The following DGLUCY variants were observed in gnomAD, a reference collection of about 807,000 sequenced individuals.
The protein encoded by DGLUCY is D-glutamate cyclase, mitochondrial.
Under a neutral mutation model 58.5 loss-of-function variants are expected in DGLUCY, and 58 were observed. The ratio of observed to expected loss-of-function variants is 0.99; its 90% CI spans 0.80 to 1.23. The LOEUF (loss-of-function observed/expected upper bound fraction) is 1.23. Ranked by LOEUF, DGLUCY falls within the 50% of genes most tolerant of loss-of-function variation. The probability of loss-of-function intolerance (pLI) is 0.00; values close to 1 mark genes in which losing one functional copy is unlikely to be tolerated. For synonymous variants in DGLUCY, 325 were observed against 314.1 expected, an observed-to-expected ratio of 1.03 and a Z score of -0.37; for missense variants, 779 against 784.7, an observed-to-expected ratio of 0.99 and a Z score of 0.09.
At chr14:91,134,469 C>T (rs1476382899) in intron 1 of DGLUCY, among the ~76,000 whole-genome samples, 1 of 151,334 alleles carries the variant, frequency 6.6e-6, no homozygotes, top group Non-Finnish European at 1.5e-5. Context: ...ATAGAGTCTC[C>T]ATCTGTCACC....
At chr14:91,100,323 G>A (rs76080062) in intron 1 of DGLUCY, among the ~76,000 whole-genome samples, 1,552 of 152,282 alleles carry the variant, frequency 0.01, 23 homozygotes, top group African/African-American at 0.036. Context: ...AGAGGGTGGA[G>A]AGATTACCAA....
chr14:91,142,516 T>C (rs1021185354), intron 1 of DGLUCY, among the ~76,000 whole-genome samples: 3 of 152,046 alleles, frequency 2.0e-5, no homozygotes, highest in Middle Eastern at 3.2e-3. Flanking sequence ...TGCAAAGATT[T>C]CTTATCTCTT....
chr14:91,169,959 A>G, intron 4 of DGLUCY, 44 bp from the exon 5 acceptor site: 1 of 1,572,644 alleles, frequency 6.4e-7, no homozygotes, highest in Non-Finnish European at 8.7e-7. Context: ...CAGGGGCCAC[A>G]GTGAGAGTCT....
chr14:91,150,534 T>C (rs1194755248), intron 1 of DGLUCY, among the ~76,000 whole-genome samples: 1 of 152,084 alleles, frequency 6.6e-6, no homozygotes. Flanking sequence ...CTTGACCTCC[T>C]GGGCTCAAGC....
intron 3 of DGLUCY, among the ~76,000 whole-genome samples, chr14:91,164,638 T>C (rs1258780000): frequency 6.6e-6 from 1 of 152,170 alleles, no homozygotes; most frequent in African/African-American, 2.4e-5. Flanking sequence ...ATTCTCTGGT[T>C]TACCAGGCAG....
intron 1 of DGLUCY, among the ~76,000 whole-genome samples, chr14:91,061,559 G>A (rs79771977): frequency 0.018 from 2,788 of 152,302 alleles, 67 homozygotes; most frequent in African/African-American, 0.065. Flanking sequence ...ATTCCCAGAC[G>A]AGGAACTGGG....
chr14:91,110,308 C>G (rs1241187589), upstream of DGLUCY, among the ~76,000 whole-genome samples: 1 of 152,144 alleles, frequency 6.6e-6, no homozygotes, highest in Non-Finnish European at 1.5e-5. Context: ...CTCTGCATCT[C>G]ATCTTTAAGC....
Position 91,224,823 on chromosome 14 carries a change from CA to C in DGLUCY, c.1857del (p.Gln620ArgfsTer9). 1 of 1,612,120 alleles carries C rather than the reference CA, an allele frequency of 6.2e-7. No individual in the cohort carries two copies. Among genetic ancestry groups the C allele is most frequent in the Middle Eastern group, 1.7e-4 (1 of 5,988 alleles). On this transcript the variant is annotated frameshift_variant, in exon 14 of 14. Coordinates refer to ENST00000256324, the MANE Select transcript of DGLUCY (RefSeq NM_001102368.3). LOFTEE classifies it high-confidence loss of function. The part of the protein sequence containing the change: ...MIQKLVDVTT[A>X]QV ...CAGAAGCTGGTGGACGTCACCACGG[CA>C]CAGGTGTAACCGTCCATGTTCCGTG...
chr14:91,155,058 T>G (rs1353645990), intron 1 of DGLUCY, among the ~76,000 whole-genome samples: 1 of 152,168 alleles, frequency 6.6e-6, no homozygotes, highest in East Asian at 1.9e-4. Flanking sequence ...TACTCTCCTT[T>G]TAGACTCAGC....
intron 13 of DGLUCY, chr14:91,220,388 T>C (rs1567018883): frequency 7.0e-6 from 3 of 426,032 alleles, no homozygotes; most frequent in East Asian, 7.1e-5. Flanking sequence ...CAACCGTCAT[T>C]ATCATCATCA....
At chr14:91,126,136 C>G (rs918959246) in intron 1 of DGLUCY, among the ~76,000 whole-genome samples, 14 of 152,176 alleles carry the variant, frequency 9.2e-5, no homozygotes, top group African/African-American at 3.4e-4. Context: ...TTTCTTAGGG[C>G]TGCCACAACA....
intron 12 of DGLUCY, among the ~76,000 whole-genome samples, chr14:91,212,995 C>A (rs962363779): frequency 1.4e-5 from 2 of 143,302 alleles, no homozygotes; most frequent in African/African-American, 2.7e-5. Context: ...AGTAAGACTC[C>A]GTCTCTAAAA....
At chr14:91,096,852 G>C (rs1157435719) in intron 1 of DGLUCY, among the ~76,000 whole-genome samples, 2 of 152,172 alleles carry the variant, frequency 1.3e-5, no homozygotes, top group Admixed American at 6.5e-5. Context: ...CTGTAGTCAA[G>C]AGGCAATTTT....
chr14:91,142,397 T>TTAGTAAC (rs2046750483), intron 1 of DGLUCY, among the ~76,000 whole-genome samples: 1 of 152,146 alleles, frequency 6.6e-6, no homozygotes, highest in African/African-American at 2.4e-5. Flanking sequence ...CGGCTTCCAT[T>TTAGTAAC]AGAAAGATGA....
chr14:91,130,165 A>G (rs1435178012), intron 1 of DGLUCY, among the ~76,000 whole-genome samples: 1 of 152,216 alleles, frequency 6.6e-6, no homozygotes, highest in Admixed American at 6.5e-5. Flanking sequence ...CCCTTGCACT[A>G]CAAGTCAGTA....
At chr14:91,146,886 G>A (rs1326217991) in intron 1 of DGLUCY, among the ~76,000 whole-genome samples, 1 of 152,096 alleles carries the variant, frequency 6.6e-6, no homozygotes, top group Non-Finnish European at 1.5e-5. Context: ...GCACCACCCA[G>A]CACGGGGCTG....
At chr14:91,220,763 G>T (rs756906435) in intron 13 of DGLUCY, 2 of 436,702 alleles carry the variant, frequency 4.6e-6, no homozygotes, top group Non-Finnish European at 4.7e-6. Context: ...CCATGTTCCC[G>T]CCTGCCTCGT....
intron 2 of DGLUCY, among the ~76,000 whole-genome samples, chr14:91,159,539 T>A (rs938081862): frequency 1.3e-5 from 2 of 152,234 alleles, no homozygotes; most frequent in Non-Finnish European, 2.9e-5. Context: ...CTCTATTTTT[T>A]AAAAATCATA....
chr14:91,140,024 G>A (rs1203671016), intron 1 of DGLUCY, among the ~76,000 whole-genome samples: 2 of 152,200 alleles, frequency 1.3e-5, no homozygotes, highest in Admixed American at 1.3e-4. Flanking sequence ...TGAACATAGA[G>A]TAACTACCTG....
Sources: gnomAD v4.1 joint callset for allele counts (sites outside exome capture counted in the v4.1 genomes callset) on GRCh38, gnomAD v4.1.1 for gene constraint, MANE v1.5 for transcripts, NCBI Gene and HGNC (gene_info 2026-07-23, HGNC 2026-07-21) for gene names.